The following CLASP2 variants were observed in gnomAD, a reference collection of about 807,000 sequenced individuals.
The protein encoded by CLASP2 is cytoplasmic linker associated protein 2.
Under a neutral mutation model 194.4 loss-of-function variants are expected in CLASP2, and 47 were observed. The ratio of observed to expected loss-of-function variants is 0.24; its 90% CI spans 0.19 to 0.31. CLASP2 has a LOEUF of 0.31. Among genes scored for constraint, CLASP2 ranks in the 10% least tolerant of loss-of-function variants. The pLI is 1.00. For missense variants in CLASP2, 1,445 were observed against 1,823.6 expected (o/e 0.79, Z 3.78); for synonymous variants, 619 against 633.5 (o/e 0.98, Z 0.34).
intron 27 of CLASP2, among the ~76,000 whole-genome samples, chr3:33,562,585 G>A (rs760381353): frequency 4.6e-5 from 7 of 152,058 alleles, no homozygotes; most frequent in Admixed American, 1.3e-4. Flanking sequence ...TCTCAGAAAT[G>A]GGCAAACACT....
chr3:33,513,218 G>A (rs956052539), intron 36 of CLASP2, among the ~76,000 whole-genome samples: 36 of 151,980 alleles, frequency 2.4e-4, no homozygotes, highest in African/African-American at 8.2e-4. Flanking sequence ...TACCAAACAC[G>A]GTTGAATAAA....
chr3:33,668,543 A>G (rs2086597225), intron 6 of CLASP2, among the ~76,000 whole-genome samples: 1 of 152,254 alleles, frequency 6.6e-6, no homozygotes, highest in Admixed American at 6.5e-5. Context: ...GTGGAACAAT[A>G]GTCTGAAGAA....
At chr3:33,529,085 A>G (rs1210510533) in intron 34 of CLASP2, among the ~76,000 whole-genome samples, 2 of 152,216 alleles carry the variant, frequency 1.3e-5, no homozygotes, top group African/African-American at 2.4e-5. Context: ...TGCCATAAAA[A>G]GAATAAAATA....
chr3:33,528,126 G>A (rs1001394409), intron 34 of CLASP2, among the ~76,000 whole-genome samples: 6 of 152,066 alleles, frequency 3.9e-5, no homozygotes, highest in Non-Finnish European at 5.9e-5. Context: ...TAGATGCAAC[G>A]CTGGCTCAAC....
intron 34 of CLASP2, among the ~76,000 whole-genome samples, chr3:33,517,933 C>T (rs2051848312): frequency 6.6e-6 from 1 of 152,190 alleles, no homozygotes; most frequent in African/African-American, 2.4e-5. Context: ...TAGGCATGAG[C>T]CACCATGCCC....
At chr3:33,562,197 T>A (rs1393008562) in intron 27 of CLASP2, among the ~76,000 whole-genome samples, 2 of 152,242 alleles carry the variant, frequency 1.3e-5, no homozygotes, top group Non-Finnish European at 2.9e-5. Flanking sequence ...TTGAGTATTC[T>A]CTGGTCCCCA....
intron 34 of CLASP2, among the ~76,000 whole-genome samples, chr3:33,527,511 G>A (rs1490442886): frequency 6.6e-5 from 10 of 152,168 alleles, no homozygotes; most frequent in Admixed American, 4.6e-4. Flanking sequence ...GGGATCTGAT[G>A]AATGCACAGC....
At chr3:33,526,731 T>A (rs772617735) in intron 34 of CLASP2, among the ~76,000 whole-genome samples, 1 of 152,128 alleles carries the variant, frequency 6.6e-6, no homozygotes, top group Non-Finnish European at 1.5e-5. Flanking sequence ...TAATTGGATA[T>A]AAAACAATCC....
At chr3:33,545,956 G>A (rs1159723638) in intron 30 of CLASP2, among the ~76,000 whole-genome samples, 1 of 151,208 alleles carries the variant, frequency 6.6e-6, no homozygotes, top group Non-Finnish European at 1.5e-5. Context: ...TAAAAACAAA[G>A]AAGTGTAAGT....
At chr3:33,542,153 C>T (rs2058464264) in intron 32 of CLASP2, among the ~76,000 whole-genome samples, 1 of 152,010 alleles carries the variant, frequency 6.6e-6, no homozygotes, top group Middle Eastern at 3.2e-3. Flanking sequence ...AAATTTTAGT[C>T]TACTAAGCAG....
Position 33,543,422 on chromosome 3 carries a change from C to A in CLASP2, c.3404+11G>T, listed in dbSNP as rs111691218. On this transcript the variant is annotated intron_variant, in intron 32 of 38. Transcript: ENST00000682230. ...AATACAAACCATCATGAAAAATCAT[C>A]CTTTTATTACCTTGGAGATAAAGTA... 2,344 of 1,454,898 alleles carry A rather than the reference C, an allele frequency of 1.6e-3. 41 individuals are homozygous for A. The African/African-American group carries it at 0.03, about 18-fold the overall frequency. The allele number at this position is 1,454,898 out of a possible 1,614,324, so 90.1% of individuals were successfully genotyped here.
At chr3:33,539,235 T>G (rs547394486) in intron 32 of CLASP2, among the ~76,000 whole-genome samples, 3 of 152,158 alleles carry the variant, frequency 2.0e-5, no homozygotes, top group Non-Finnish European at 4.4e-5. Flanking sequence ...ATGGATGGCT[T>G]GTAAGCTAAG....
intron 1 of CLASP2, among the ~76,000 whole-genome samples, chr3:33,714,816 C>T (rs540450238): frequency 6.6e-6 from 1 of 152,220 alleles, no homozygotes; most frequent in South Asian, 2.1e-4. Flanking sequence ...CTCAAGTGAG[C>T]CTTCTGTCTC....
At chr3:33,584,708 A>T (rs2066962409) in intron 22 of CLASP2, 42 bp downstream of exon 22, 1 of 1,476,560 alleles carries the variant, frequency 6.8e-7, no homozygotes, top group Admixed American at 2.4e-5. Context: ...AAAAAAAAAA[A>T]AGGGTTACAT....
rs1298444133 is a variant in CLASP2, at chr3:33,498,374, A to C, written c.*257T>G. ...GTACAAACATGTGAAATGATGAATTAAATTAAAAATTACTTTGTGTCGATC... is the reference window on the plus strand; with the variant it reads ...GTACAAACATGTGAAATGATGAATTCAATTAAAAATTACTTTGTGTCGATC... On this transcript the variant is annotated 3_prime_UTR_variant, in exon 39 of 39. Transcript: ENST00000682230. The C allele has an allele frequency of 9.2e-6, 3 of 326,720 alleles. No individual in the cohort carries two copies. Among genetic ancestry groups the C allele is most frequent in the African/African-American group, 6.4e-5 (3 of 47,034 alleles). The allele number at this position is 326,720 out of a possible 1,614,324, so 20.2% of individuals were successfully genotyped here.
chr3:33,576,942 T>C (rs2065023253), intron 23 of CLASP2, among the ~76,000 whole-genome samples: 1 of 148,934 alleles, frequency 6.7e-6, no homozygotes, highest in African/African-American at 2.5e-5. Context: ...GATGAGAACA[T>C]AAAAACAATT....
At chr3:33,687,289 A>G (rs1248433882) in intron 4 of CLASP2, among the ~76,000 whole-genome samples, 154 bp from the exon 5 acceptor site, 1 of 151,094 alleles carries the variant, frequency 6.6e-6, no homozygotes, top group Non-Finnish European at 1.5e-5. Flanking sequence ...GACATAAGCA[A>G]AAAATAATTC....
At chr3:33,618,484 A>G (rs2076580019) in intron 12 of CLASP2, among the ~76,000 whole-genome samples, 1 of 151,586 alleles carries the variant, frequency 6.6e-6, no homozygotes, top group African/African-American at 2.4e-5. Flanking sequence ...TGTCTCTACT[A>G]AAAATACAAA....
At chr3:33,617,157 C>A (rs150409979) in intron 12 of CLASP2, among the ~76,000 whole-genome samples, 10 of 147,708 alleles carry the variant, frequency 6.8e-5, no homozygotes, top group Non-Finnish European at 1.5e-4. Flanking sequence ...ATATAAAATA[C>A]GAAAATTAGC....
Sources: allele counts gnomAD v4.1 joint callset (sites outside exome capture counted in the v4.1 genomes callset), GRCh38; gene constraint gnomAD v4.1.1; transcripts MANE v1.5; gene names NCBI Gene and HGNC (gene_info 2026-07-23, HGNC 2026-07-21).